NRXN3: variants seen among roughly 807,000 people sequenced by gnomAD.
NRXN3 encodes the protein neurexin III.
A neutral mutation model predicts 137.6 loss-of-function variants in NRXN3; 32 were observed. The ratio of observed to expected loss-of-function variants is 0.23; its 90% CI spans 0.18 to 0.31. The LOEUF (loss-of-function observed/expected upper bound fraction) is 0.31. NRXN3 is among the 10% of genes least tolerant of loss of function. The probability of loss-of-function intolerance (pLI) is 1.00; values close to 1 mark genes in which losing one functional copy is unlikely to be tolerated. For synonymous variants in NRXN3, 798 were observed against 784.5 expected (o/e 1.02, Z -0.29); for missense variants, 1,574 against 2,062.5 (o/e 0.76, Z 4.59).
chr14:79,091,661 C>T (rs563134519), intron 15 of NRXN3, among the ~76,000 whole-genome samples: 1 of 152,016 alleles, frequency 6.6e-6, no homozygotes, highest in Non-Finnish European at 1.5e-5. Flanking sequence ...CAGTGGGTGA[C>T]GGTGTCAGGA....
At position 79,775,695 on chromosome 14, in the gene NRXN3, G is replaced by T. The variant is rs117915451; in HGVS notation, c.4015-29417G>T. Among the ~76,000 whole-genome samples the T allele has an allele frequency of 2.3e-3, 353 of 152,190 alleles. 11 individuals carry two copies. In the East Asian group the frequency reaches 0.045, roughly 19 times the overall value. ...GAAGTGGGGAGCAGAGAGACAGAAG[G>T]CTATAAGTGAGGAGACAGTACTGAG... On this transcript the variant is annotated intron_variant, in intron 19 of 20. Coordinates refer to ENST00000335750, the MANE Select transcript of NRXN3 (RefSeq NM_001330195.2).
intron 15 of NRXN3, among the ~76,000 whole-genome samples, chr14:79,440,542 A>G (rs1280761480): frequency 3.3e-5 from 5 of 152,262 alleles, no homozygotes; most frequent in Non-Finnish European, 7.4e-5. Context: ...TGTTTACAAT[A>G]TCTTTTCTGA....
chr14:78,450,674 C>T (rs1294608971), intron 4 of NRXN3, among the ~76,000 whole-genome samples: 1 of 152,182 alleles, frequency 6.6e-6, no homozygotes, highest in Non-Finnish European at 1.5e-5. Flanking sequence ...GCTGTGGGCT[C>T]CTGAGCTTCT....
intron 2 of NRXN3, among the ~76,000 whole-genome samples, chr14:78,249,018 T>C (rs2068159288): frequency 6.6e-6 from 1 of 152,236 alleles, no homozygotes; most frequent in African/African-American, 2.4e-5. Flanking sequence ...CTGGGTATAC[T>C]GTATGCTAAA....
Position 79,342,693 on chromosome 14 carries a change from A to T in NRXN3, c.3263-124528A>T, listed in dbSNP as rs906753895. 1.8e-4 allele frequency among the ~76,000 whole-genome samples: 28 copies of T among 152,306 alleles called. 1 individual carries two copies. The highest frequency in any genetic ancestry group is 4.6e-4 in the Admixed American group (7 of 15,310). On this transcript the variant is annotated intron_variant, in intron 15 of 20. Coordinates refer to ENST00000335750, the MANE Select transcript of NRXN3 (RefSeq NM_001330195.2). ...CTAGATTTCTGTAACTGTATTAGTTAGGATGCTTTGGAGTGCTAGAAACAG... is the reference window on the plus strand; with the variant it reads ...CTAGATTTCTGTAACTGTATTAGTTTGGATGCTTTGGAGTGCTAGAAACAG...
chr14:78,564,310 T>C (rs1395273607), intron 4 of NRXN3, among the ~76,000 whole-genome samples: 1 of 152,226 alleles, frequency 6.6e-6, no homozygotes, highest in Non-Finnish European at 1.5e-5. Flanking sequence ...GGTTATAGTG[T>C]TTGGCTCTGT....
At chr14:79,560,508 T>TC (rs781177560) in intron 16 of NRXN3, among the ~76,000 whole-genome samples, 5 of 96,476 alleles carry the variant, frequency 5.2e-5, no homozygotes, top group East Asian at 5.7e-4. Flanking sequence ...TGTAAGCTTT[T>TC]TTTTTTTTTT....
chr14:78,561,460 A>G (rs1186339203), intron 4 of NRXN3, among the ~76,000 whole-genome samples: 1 of 152,200 alleles, frequency 6.6e-6, no homozygotes, highest in African/African-American at 2.4e-5. Context: ...AAGAGACCAT[A>G]GACTCTTAAA....
intron 15 of NRXN3, among the ~76,000 whole-genome samples, chr14:79,436,275 T>G (rs1267325997): frequency 2.0e-5 from 3 of 152,208 alleles, no homozygotes; most frequent in Admixed American, 2.0e-4. Context: ...GTAATAAGAA[T>G]AGTAGTAGTT....
rs2099040715 is a variant in NRXN3 at position 79,762,106 on chromosome 14, C to A, written c.4015-43006C>A. 1.3e-5 allele frequency among the ~76,000 whole-genome samples: 2 copies of A among 151,536 alleles called. 1 individual carries two copies. Among genetic ancestry groups the A allele is most frequent in the African/African-American group, 4.9e-5 (2 of 40,882 alleles). Reference sequence around the variant, plus strand: ...GGTTAGGGGGAAGCCTCAAAACTGCCTTTATGGAGTTCTGTATCTCAGCAT... The same window carrying A: ...GGTTAGGGGGAAGCCTCAAAACTGCATTTATGGAGTTCTGTATCTCAGCAT... On this transcript the variant is annotated intron_variant, in intron 19 of 20. Coordinates refer to ENST00000335750, the MANE Select transcript of NRXN3 (RefSeq NM_001330195.2).
At chr14:79,258,024 A>T (rs1415760836) in intron 15 of NRXN3, among the ~76,000 whole-genome samples, 1 of 152,114 alleles carries the variant, frequency 6.6e-6, no homozygotes, top group Non-Finnish European at 1.5e-5. Context: ...TTCCTACAAG[A>T]CATAATGAAT....
At chr14:79,055,319 A>G (rs1397943226) in intron 15 of NRXN3, among the ~76,000 whole-genome samples, 1 of 152,222 alleles carries the variant, frequency 6.6e-6, no homozygotes, top group Non-Finnish European at 1.5e-5. Context: ...AAGTGGCAGT[A>G]TACATCATCT....
At chr14:78,488,853 G>T (rs1030009795) in intron 4 of NRXN3, among the ~76,000 whole-genome samples, 1 of 150,580 alleles carries the variant, frequency 6.6e-6, no homozygotes, top group Non-Finnish European at 1.5e-5. Context: ...GGAGGGGAAA[G>T]GTGGAGTGGG....
intron 8 of NRXN3, among the ~76,000 whole-genome samples, chr14:78,738,534 A>T (rs1335967017): frequency 6.6e-6 from 1 of 152,102 alleles, no homozygotes; most frequent in African/African-American, 2.4e-5. Flanking sequence ...ACTTCAGAGG[A>T]ACCAGAAGCA....
chr14:78,371,214 G>T (rs1287500874), intron 4 of NRXN3, among the ~76,000 whole-genome samples: 2 of 152,146 alleles, frequency 1.3e-5, no homozygotes, highest in Non-Finnish European at 2.9e-5. Flanking sequence ...CCAGACCTCA[G>T]CTGGCAAAGA....
chr14:78,182,573 G>A lies in NRXN3; in HGVS notation c.-704+11899G>A, dbSNP rs191312979. Among the ~76,000 whole-genome samples, 821 of 152,272 alleles carry A rather than the reference G, an allele frequency of 5.4e-3. 9 individuals are homozygous for A. Among genetic ancestry groups the A allele is most frequent in the African/African-American group, 0.019 (770 of 41,558 alleles). ...CAACCTCTGCCTGCCGGGTTCAAGC[G>A]ATTCTCCTGCCTCAGCCTCCCGAGT... On this transcript the variant is annotated intron_variant, in intron 1 of 20. Coordinates refer to ENST00000335750, the MANE Select transcript of NRXN3 (RefSeq NM_001330195.2).
chr14:79,677,735 C>G (rs1487527399), intron 17 of NRXN3, among the ~76,000 whole-genome samples: 1 of 152,128 alleles, frequency 6.6e-6, no homozygotes, highest in Non-Finnish European at 1.5e-5. Flanking sequence ...AATAAGTCAG[C>G]TAAACTGAGT....
chr14:79,338,256 A>G (rs1164130658), intron 15 of NRXN3, among the ~76,000 whole-genome samples: 3 of 146,250 alleles, frequency 2.1e-5, no homozygotes, highest in Non-Finnish European at 3.0e-5. Flanking sequence ...TGTGTGAAGG[A>G]AGAGTAAGTG....
chr14:78,356,963 C>A (rs1478759925), intron 4 of NRXN3, among the ~76,000 whole-genome samples: 2 of 152,084 alleles, frequency 1.3e-5, no homozygotes, highest in African/African-American at 4.8e-5. Flanking sequence ...GGGGAACAAC[C>A]CTGACATGGG....
Sources: allele counts gnomAD v4.1 joint callset (sites outside exome capture counted in the v4.1 genomes callset), GRCh38; gene constraint gnomAD v4.1.1; transcripts MANE v1.5; gene names NCBI Gene and HGNC (gene_info 2026-07-23, HGNC 2026-07-21).